LRRK2: variants seen among roughly 807,000 people sequenced by gnomAD.
The protein encoded by LRRK2 is leucine-rich repeat serine/threonine-protein kinase 2.
In LRRK2, 203 loss-of-function variants were observed where a neutral mutation model predicts 302.6. The ratio of observed to expected loss-of-function variants is 0.67; its 90% CI spans 0.60 to 0.75. The LOEUF (loss-of-function observed/expected upper bound fraction) is 0.75, where lower values mean the gene tolerates loss of function less well. Ranked by LOEUF, LRRK2 falls within the 30% of genes least tolerant of loss-of-function variation. LRRK2 has a pLI of 0.00. For synonymous variants in LRRK2, 1,066 were observed against 1,031.9 expected (o/e 1.03, Z -0.63); for missense variants, 2,830 against 2,951.0 (o/e 0.96, Z 0.95).
chr12:40,336,563 C>T (rs1376325057), intron 40 of LRRK2, among the ~76,000 whole-genome samples: 1 of 152,150 alleles, frequency 6.6e-6, no homozygotes, highest in Admixed American at 6.6e-5. Context: ...AAAACAGTGC[C>T]TGGGGCATAG....
chr12:40,255,786 T>C (rs1262558720), intron 11 of LRRK2, among the ~76,000 whole-genome samples: 2 of 152,174 alleles, frequency 1.3e-5, no homozygotes, highest in East Asian at 1.9e-4. Flanking sequence ...CTAGCCACTT[T>C]GGGAAAGGTT....
At chr12:40,352,469 C>CTTTTTTTTT (rs1307806388) in intron 44 of LRRK2, among the ~76,000 whole-genome samples, 6 of 104,536 alleles carry the variant, frequency 5.7e-5, no homozygotes, top group Non-Finnish European at 8.1e-5. Context: ...GTTAAACAAT[C>CTTTTTTTTT]TTTTTTTTTT....
intron 39 of LRRK2, 29 bp from the exon 40 acceptor site, chr12:40,334,938 T>TA (rs1192219954): frequency 1.2e-6 from 2 of 1,612,312 alleles, no homozygotes; most frequent in Non-Finnish European, 1.7e-6. Context: ...GATGTTGAAT[T>TA]ACTCTTACAT....
At chr12:40,275,085 A>C (rs2136607902) in intron 16 of LRRK2, 92 bp downstream of exon 16, 1 of 1,323,370 alleles carries the variant, frequency 7.6e-7, no homozygotes. Flanking sequence ...TGAATGGGGT[A>C]TTCTAGTTAA....
At chr12:40,260,812 T>C (rs188582007) in intron 13 of LRRK2, among the ~76,000 whole-genome samples, 3 of 152,038 alleles carry the variant, frequency 2.0e-5, no homozygotes, top group East Asian at 1.9e-4. Flanking sequence ...GGACAGATGG[T>C]TGGGAGATCT....
chr12:40,363,484 C>T lies in LRRK2; in HGVS notation c.7111C>T (p.Pro2371Ser), dbSNP rs1946779577. 1.9e-6 allele frequency: 3 copies of T among 1,611,810 alleles called. No homozygotes were observed. Among genetic ancestry groups the T allele is most frequent in the Non-Finnish European group, 2.5e-6 (3 of 1,178,598 alleles). Residue 2371 changes from proline (P) to serine (S), a missense_variant, in exon 48 of 51, where the codon CCT (proline) becomes TCT (serine). Physicochemically the swap from Pro to Ser is moderately conservative, Grantham distance 74. Transcript: ENST00000298910. ...TALYIAKQNS[P>S]VVEVWDKKTE... ...TCTCTATATTGCTAAGCAAAATAGC[C>T]CTGTTGTGGAAGTGTGGGATAAGAA... is the stretch of plus-strand genomic sequence containing the variant.
intron 41 of LRRK2, among the ~76,000 whole-genome samples, chr12:40,342,834 T>TA (rs1946086080): frequency 6.6e-6 from 1 of 152,216 alleles, no homozygotes; most frequent in African/African-American, 2.4e-5. Context: ...TACTAACTCT[T>TA]ACTGCAGCGT....
chr12:40,364,176 T>G (rs1946803002), intron 48 of LRRK2, among the ~76,000 whole-genome samples: 1 of 151,994 alleles, frequency 6.6e-6, no homozygotes, highest in Non-Finnish European at 1.5e-5. Context: ...ATGATACTCT[T>G]GAGAACATTT....
chr12:40,351,677 A>G lies in LRRK2; in HGVS notation c.6520A>G (p.Thr2174Ala). The G allele has an allele frequency of 6.2e-7, 1 of 1,614,250 alleles. No homozygotes were observed. The highest frequency in any genetic ancestry group is 8.5e-7 in the Non-Finnish European group (1 of 1,180,038). Reference sequence around the variant, plus strand: ...AAGCATTTGGCTGGGCTGTGGGCACACCGACAGAGGACAGCTCTCATTTCT... The same window carrying G: ...AAGCATTTGGCTGGGCTGTGGGCACGCCGACAGAGGACAGCTCTCATTTCT... ...NASIWLGCGH[T>A]DRGQLSFLDL... The change falls in exon 44 of 51, where the codon ACC (threonine) becomes GCC (alanine). Residue 2174 changes from threonine to alanine, a missense_variant. Coordinates refer to ENST00000298910, the MANE Select transcript of LRRK2 (RefSeq NM_198578.4).
At position 40,251,485 on chromosome 12, in the gene LRRK2, AAAT is replaced by A. The variant is rs760414206; in HGVS notation, c.1126_1128del (p.Asn376del). 3 of 1,612,308 alleles carry A rather than the reference AAAT, an allele frequency of 1.9e-6. No individual in the cohort carries two copies. In the South Asian group the frequency reaches 3.3e-5, roughly 18 times the overall value. On this transcript the variant is annotated inframe_deletion, in exon 10 of 51. Transcript: ENST00000298910. ...TCCAGGAGGCCGCATGCTGGGCACT[AAAT>A]AATCTCCTTATGTACCAAAACAGTT...
chr12:40,363,881 T>A (rs1946795001), intron 48 of LRRK2, among the ~76,000 whole-genome samples: 1 of 151,974 alleles, frequency 6.6e-6, no homozygotes. Context: ...AAATATACTA[T>A]TTATAATTAA....
intron 18 of LRRK2, among the ~76,000 whole-genome samples, chr12:40,283,509 G>A (rs1197592519): frequency 2.0e-5 from 3 of 152,202 alleles, no homozygotes; most frequent in Admixed American, 1.3e-4. Flanking sequence ...TAAGGTACTG[G>A]TTTCCCAGGT....
chr12:40,231,082 C>T (rs1377832760), intron 2 of LRRK2, among the ~76,000 whole-genome samples: 1 of 152,036 alleles, frequency 6.6e-6, no homozygotes, highest in Middle Eastern at 3.2e-3. Flanking sequence ...AAAAATGCCA[C>T]GTTTCTTGCC....
Position 40,365,004 on chromosome 12 carries a change from T to G in LRRK2, c.7344T>G (p.Ile2448Met), listed in dbSNP as rs1363606407. The G allele has an allele frequency of 1.3e-5, 21 of 1,612,480 alleles. No homozygotes were observed. Among genetic ancestry groups the G allele is most frequent in the Non-Finnish European group, 1.8e-5 (21 of 1,179,018 alleles). ...CAACTCGTCGACTTATACGTGTAAT[T>G]TACAACTTTTGTAATTCGGTCAGAG... ...DLSTRRLIRVIYNFCNSVRVM... is the reference protein window; with the variant it reads ...DLSTRRLIRVMYNFCNSVRVM... The change falls in exon 49 of 51, where the codon ATT (isoleucine) becomes ATG (methionine). Residue 2448 changes from isoleucine (I) to methionine (M), a missense_variant. Ile to Met is a conservative substitution (Grantham distance 10). Coordinates refer to ENST00000298910, the MANE Select transcript of LRRK2 (RefSeq NM_198578.4).
In LRRK2 at chr12:40,249,922, CGCTCA is replaced by C; in HGVS notation, c.939_943del (p.Ser314PhefsTer6). On this transcript the variant is annotated frameshift_variant, in exon 8 of 51. Transcript: ENST00000298910. LOFTEE classifies it high-confidence loss of function. ...GAGAATGCAGCATTGCAGATCTCAG[CGCTCA>C]GCTGTTTGGCCCTCCTCAGTAAGTA... 1 of 1,613,758 alleles carries C rather than the reference CGCTCA, an allele frequency of 6.2e-7. No homozygotes were observed. Among genetic ancestry groups the C allele is most frequent in the Non-Finnish European group, 8.5e-7 (1 of 1,179,802 alleles).
At chr12:40,356,072 A>G (rs201703571) in intron 45 of LRRK2, 43 bp from the exon 46 acceptor site, 5 of 1,388,994 alleles carry the variant, frequency 3.6e-6, no homozygotes, top group Non-Finnish European at 5.1e-6. Context: ...TTTAGTCAAC[A>G]TACATGTTCT....
At chr12:40,354,776 A>G (rs1946473773) in intron 45 of LRRK2, among the ~76,000 whole-genome samples, 1 of 152,064 alleles carries the variant, frequency 6.6e-6, no homozygotes, top group Non-Finnish European at 1.5e-5. Context: ...TTCTCCTCAG[A>G]TCAATGAATC....
At chr12:40,328,554 G>A in intron 39 of LRRK2, 94 bp downstream of exon 39, 1 of 927,168 alleles carries the variant, frequency 1.1e-6, no homozygotes, top group South Asian at 1.6e-5. Context: ...GCAAAATAAT[G>A]ACCACATTTC....
At chr12:40,318,710 C>T (rs1161992712) in intron 33 of LRRK2, among the ~76,000 whole-genome samples, 1 of 151,844 alleles carries the variant, frequency 6.6e-6, no homozygotes, top group African/African-American at 2.4e-5. Flanking sequence ...CAGAGTGCTA[C>T]AAAGAAAATA....
Sources: allele counts gnomAD v4.1 joint callset (sites outside exome capture counted in the v4.1 genomes callset), GRCh38; gene constraint gnomAD v4.1.1; transcripts MANE v1.5; gene names NCBI Gene and HGNC (gene_info 2026-07-23, HGNC 2026-07-21).